The following DHODH variants were observed in gnomAD, a reference collection of about 807,000 sequenced individuals.
The protein encoded by DHODH is dihydroorotate dehydrogenase (quinone), mitochondrial.
A neutral mutation model predicts 39.7 loss-of-function variants in DHODH; 30 were observed. That is an observed-to-expected ratio of 0.76 (90% CI 0.57 to 1.02). The LOEUF (loss-of-function observed/expected upper bound fraction) is 1.02. Among genes scored for constraint, DHODH ranks in the 50% least tolerant of loss-of-function variants. The pLI, the probability that DHODH is intolerant of heterozygous loss-of-function variation, is 0.00. For missense variants in DHODH, 531 were observed against 520.8 expected (o/e 1.02, Z -0.19); for synonymous variants, 222 against 213.8 (o/e 1.04, Z -0.34).
At chr16:72,018,995 C>T (rs989986765) in intron 4 of DHODH, among the ~76,000 whole-genome samples, 1 of 152,190 alleles carries the variant, frequency 6.6e-6, no homozygotes, top group African/African-American at 2.4e-5. Flanking sequence ...GAGTCTCCCG[C>T]TATTGCCCAG....
intron 6 of DHODH, 144 bp from the exon 7 acceptor site, chr16:72,023,021 T>C: frequency 2.6e-6 from 2 of 768,814 alleles, no homozygotes; most frequent in Non-Finnish European, 4.5e-6. Context: ...GAGGAAAAGA[T>C]GAGTAGTGAG....
At chr16:72,014,339 C>T in intron 2 of DHODH, 134 bp from the exon 3 acceptor site, 2 of 836,406 alleles carry the variant, frequency 2.4e-6, no homozygotes, top group Non-Finnish European at 3.9e-6. Flanking sequence ...AGATTTTGAC[C>T]TTGGGGGTGG....
rs374525203 is a variant in DHODH, at chr16:72,023,580, C to A, written c.1080C>A (p.Phe360Leu). The A allele has an allele frequency of 5.0e-6, 8 of 1,614,116 alleles. No individual in the cohort carries two copies. Among genetic ancestry groups the A allele is most frequent in the Non-Finnish European group, 6.8e-6 (8 of 1,180,036 alleles). Residue 360 changes from phenylalanine to leucine, a missense_variant, in exon 8 of 9, where the codon TTC becomes TTA. By Grantham distance (22) the Phe-to-Leu change is conservative (BLOSUM62 0). Coordinates refer to ENST00000219240, the MANE Select transcript of DHODH (RefSeq NM_001361.5). ...SLVQLYTALT[F>L]WGPPVVGKVK... ...TGCAGCTGTACACGGCCCTCACCTT[C>A]TGGGGGCCACCCGTTGTGGGCAAAG...
intron 3 of DHODH, chr16:72,015,832 T>G: frequency 1.0e-6 from 1 of 985,480 alleles, no homozygotes; most frequent in Non-Finnish European, 1.2e-6. Flanking sequence ...GCCCTGTGTG[T>G]GCGGCCTCCT....
At chr16:72,019,657 G>GA (rs1186681107) in intron 4 of DHODH, among the ~76,000 whole-genome samples, 1 of 152,148 alleles carries the variant, frequency 6.6e-6, no homozygotes, top group Non-Finnish European at 1.5e-5. Flanking sequence ...CATGTAAACT[G>GA]AGACCCTCTT....
At chr16:72,020,350 TATATGTGTATATATATA>T (rs1365889440) in intron 4 of DHODH, 23 of 120,882 alleles carry the variant, frequency 1.9e-4, no homozygotes, top group East Asian at 4.1e-4. Flanking sequence ...TATATATATA[TATATGTGTATATATATA>T]TATATTTTTT....
At chr16:72,018,017 G>A (rs921953940) in intron 4 of DHODH, among the ~76,000 whole-genome samples, 2 of 152,068 alleles carry the variant, frequency 1.3e-5, no homozygotes, top group East Asian at 1.9e-4. Flanking sequence ...CTGGTGATCC[G>A]CCTGCCTCGG....
chr16:72,008,830 G>T (rs1332101652), intron 1 of DHODH, 45 bp downstream of exon 1: 1 of 1,552,328 alleles, frequency 6.4e-7, no homozygotes, highest in African/African-American at 1.4e-5. Flanking sequence ...CCAGGGACCG[G>T]GGAGGGCGAG....
In DHODH at chr16:72,021,321, T is replaced by C. The variant is rs1369328711; in HGVS notation, c.705+10T>C. 3 of 1,594,936 alleles carry C rather than the reference T, an allele frequency of 1.9e-6. No homozygotes were observed. Among genetic ancestry groups the C allele is most frequent in the South Asian group, 1.1e-5 (1 of 88,784 alleles). ...CCGCCTGCTGACCAAGGTGGGCAGCTGCACCCCTCTCCAGGCCCTGTCCCA... is the reference window on the plus strand; with the variant it reads ...CCGCCTGCTGACCAAGGTGGGCAGCCGCACCCCTCTCCAGGCCCTGTCCCA... On this transcript the variant is annotated intron_variant, in intron 5 of 8. Transcript: ENST00000219240.
At chr16:72,011,966 C>T in intron 1 of DHODH, 84 bp from the exon 2 acceptor site, 1 of 1,104,362 alleles carries the variant, frequency 9.1e-7, no homozygotes, top group Non-Finnish European at 1.4e-6. Context: ...GCCGTTATGC[C>T]CTCTGTGTAC....
rs1171937618 is a variant in DHODH at position 72,023,140 on chromosome 16, G to GCTTTTTCT, written c.820-22_820-15dup. On this transcript the variant is annotated intron_variant, in intron 6 of 8. Coordinates refer to ENST00000219240, the MANE Select transcript of DHODH (RefSeq NM_001361.5). Reference sequence around the variant, plus strand: ...GGGTCCTTCGGTGCTATGACTCATGGCTTTTTCTCTATCTCGCACTGCAGT... The same window carrying GCTTTTTCT: ...GGGTCCTTCGGTGCTATGACTCATGGCTTTTTCTCTTTTTCTCTATCTCGCACTGCAGT... The GCTTTTTCT allele has an allele frequency of 3.7e-6, 6 of 1,613,852 alleles. No individual in the cohort carries two copies. In the Middle Eastern group the frequency reaches 5.0e-4, roughly 135 times the overall value.
At chr16:72,016,460 C>T (rs2041142370) in intron 3 of DHODH, 1 of 174,844 alleles carries the variant, frequency 5.7e-6, no homozygotes, top group Admixed American at 5.4e-5. Context: ...GTTGCTCACC[C>T]TCAAGAAGAT....
rs776973679 is a variant in DHODH, at chr16:72,014,482, GTTCTGGGCCATAAA to G, written c.248_261del (p.Leu83ProfsTer11). 2.9e-4 allele frequency: 470 copies of G among 1,614,060 alleles called. No homozygotes were observed. Among genetic ancestry groups the G allele is most frequent in the Non-Finnish European group, 3.8e-4 (452 of 1,180,018 alleles). ...GTCTTCCTCTTCCCAGGAAGTGAGA[GTTCTGGGCCATAAA>G]TTCCGAAATCCAGTAGGAATTGCTG... On this transcript the variant is annotated frameshift_variant, in exon 3 of 9. Coordinates refer to ENST00000219240, the MANE Select transcript of DHODH (RefSeq NM_001361.5). LOFTEE classifies it high-confidence loss of function.
chr16:72,023,721 T>C (rs1228006369), intron 8 of DHODH, 88 bp downstream of exon 8: 5 of 1,576,038 alleles, frequency 3.2e-6, no homozygotes, highest in Non-Finnish European at 4.3e-6. Context: ...TTGATCTGTT[T>C]CTTATTCATT....
rs746252777 is a variant in DHODH, at chr16:72,025,580, C to G, written c.*1381C>G. 1 of 152,354 alleles carries G rather than the reference C, an allele frequency of 6.6e-6. No individual in the cohort carries two copies. The highest frequency in any genetic ancestry group is 6.5e-5 in the Admixed American group (1 of 15,284). 9.4% of individuals were successfully genotyped at this position (152,354 alleles called of 1,614,324 possible). A position where few individuals can be genotyped will look rare whatever the true frequency, so the allele number is the denominator to read the frequency against. ...CACCTTGTGAATGTGCCTGTGCCTT[C>G]GTTCTGGTGTCGGTGCAGAGCAGGG... On this transcript the variant is annotated 3_prime_UTR_variant, in exon 9 of 9. Transcript: ENST00000219240.
intron 1 of DHODH, among the ~76,000 whole-genome samples, chr16:72,009,638 G>A (rs1374575031): frequency 6.6e-6 from 1 of 151,938 alleles, no homozygotes; most frequent in Non-Finnish European, 1.5e-5. Context: ...TATTTGAGAC[G>A]GAGTCTTGGG....
intron 6 of DHODH, among the ~76,000 whole-genome samples, 170 bp from the exon 7 acceptor site, chr16:72,022,995 C>T (rs2041237708): frequency 6.6e-6 from 1 of 152,184 alleles, no homozygotes; most frequent in African/African-American, 2.4e-5. Context: ...TGTTATGGCT[C>T]ATTCTAAAAC....
intron 3 of DHODH, 142 bp downstream of exon 3, chr16:72,014,814 A>G: frequency 1.2e-6 from 1 of 850,796 alleles, no homozygotes; most frequent in East Asian, 2.7e-5. Flanking sequence ...AACCCTGTTC[A>G]GCATCTACTA....
At chr16:72,018,382 T>C (rs1262742633) in intron 4 of DHODH, among the ~76,000 whole-genome samples, 1 of 152,114 alleles carries the variant, frequency 6.6e-6, no homozygotes, top group African/African-American at 2.4e-5. Context: ...CAGTGTCAGA[T>C]TTGGGGAATA....
Sources: gnomAD v4.1 joint callset for allele counts (sites outside exome capture counted in the v4.1 genomes callset) on GRCh38, gnomAD v4.1.1 for gene constraint, MANE v1.5 for transcripts, NCBI Gene and HGNC (gene_info 2026-07-23, HGNC 2026-07-21) for gene names.